PPP4R4: variants seen among roughly 807,000 people sequenced by gnomAD.
The protein encoded by PPP4R4 is serine/threonine-protein phosphatase 4 regulatory subunit 4.
In PPP4R4, 70 loss-of-function variants were observed where a neutral mutation model predicts 121.8. The observed-to-expected ratio is 0.57, with a 90% CI of 0.47 to 0.70. PPP4R4 has a LOEUF of 0.70. Ranked by LOEUF, PPP4R4 falls within the 30% of genes least tolerant of loss-of-function variation. The probability of loss-of-function intolerance (pLI) is 0.00; values close to 1 mark genes in which losing one functional copy is unlikely to be tolerated. For missense variants in PPP4R4, 875 were observed against 1,033.6 expected (o/e 0.85, Z 2.10); for synonymous variants, 348 against 355.7 (o/e 0.98, Z 0.24).
rs771052209 is a variant in PPP4R4 at position 94,234,669 on chromosome 14, G to A, written c.731G>A (p.Gly244Glu). The stretch of plus-strand genomic sequence containing the variant: ...TTAGAAAATATAGCCCAGGGCATTG[G>A]GTAGGTATACTTTGAATTCCTTATG... ...RQLENIAQGI[G>E]TELTKSVVLP... The change falls in exon 7 of 25, where the codon GGG becomes GAG. Residue 244 changes from glycine (G) to glutamate (E), a missense_variant and splice_region_variant. Transcript: ENST00000304338. The A allele has an allele frequency of 3.2e-6, 5 of 1,561,480 alleles. No homozygotes were observed. The highest frequency in any genetic ancestry group is 3.5e-6 in the Non-Finnish European group (4 of 1,133,152).
At chr14:94,278,195 A>G (rs1894744474) in intron 24 of PPP4R4, among the ~76,000 whole-genome samples, 1 of 152,218 alleles carries the variant, frequency 6.6e-6, no homozygotes, top group African/African-American at 2.4e-5. Flanking sequence ...CCAGCTTTTC[A>G]GTGTCATTGA....
At chr14:94,202,067 A>T (rs1315600238) in intron 2 of PPP4R4, among the ~76,000 whole-genome samples, 1 of 152,114 alleles carries the variant, frequency 6.6e-6, no homozygotes, top group African/African-American at 2.4e-5. Context: ...AAAAGCAAAC[A>T]TCGTATGTTC....
chr14:94,197,439 T>A (rs1889940066), intron 2 of PPP4R4, among the ~76,000 whole-genome samples: 1 of 152,174 alleles, frequency 6.6e-6, no homozygotes, highest in South Asian at 2.1e-4. Flanking sequence ...TTTGTCCTAG[T>A]TGCTCTGTTT....
chr14:94,195,364 C>T (rs1889818262), intron 2 of PPP4R4, among the ~76,000 whole-genome samples: 2 of 152,198 alleles, frequency 1.3e-5, no homozygotes, highest in African/African-American at 2.4e-5. Context: ...GATTCCGACA[C>T]ATGCTGAAGT....
Position 94,256,582 on chromosome 14 carries a change from A to G in PPP4R4, c.1988A>G (p.Asp663Gly). Residue 663 changes from aspartate (D) to glycine (G), a missense_variant, in exon 17 of 25, where the codon GAT (aspartate) becomes GGT (glycine). By Grantham distance (94) the Asp-to-Gly change is moderately conservative. Transcript: ENST00000304338. The part of the protein sequence containing the change: ...RKLLCQEKDK[D>G]VLAIVKRTVL... ...CTCCTGTGTCAAGAAAAAGATAAAG[A>G]TGTTCTGGCTATTGTAAAAAGAGTA... 1 of 1,607,490 alleles carries G rather than the reference A, an allele frequency of 6.2e-7. No individual in the cohort carries two copies. The highest frequency in any genetic ancestry group is 8.5e-7 in the Non-Finnish European group (1 of 1,175,228).
At chr14:94,179,277 T>C (rs1188199244) in intron 2 of PPP4R4, among the ~76,000 whole-genome samples, 2 of 152,210 alleles carry the variant, frequency 1.3e-5, no homozygotes. Context: ...TCTGTATCTA[T>C]GGATTTGCCT....
chr14:94,231,308 G>A lies in PPP4R4; in HGVS notation c.509G>A (p.Arg170Gln), dbSNP rs373815087. ...GAAGTATTGCCAAAAGAAACCCTAC[G>A]GCATGAGGTAATACTTTCATGGGGG... is the stretch of plus-strand genomic sequence containing the variant. ...VIEVLPKETL[R>Q]HEILNPLVSK... The change falls in exon 5 of 25, where the codon CGG becomes CAG. Residue 170 changes from arginine (R) to glutamine (Q), a missense_variant. By Grantham distance (43) the Arg-to-Gln change is conservative. Coordinates refer to ENST00000304338, the MANE Select transcript of PPP4R4 (RefSeq NM_058237.2). The A allele has an allele frequency of 3.7e-6, 6 of 1,607,764 alleles. No homozygotes were observed. In the African/African-American group the frequency reaches 5.4e-5, roughly 14 times the overall value.
intron 15 of PPP4R4, among the ~76,000 whole-genome samples, chr14:94,250,993 A>G (rs1210636205): frequency 1.3e-5 from 2 of 152,028 alleles, no homozygotes; most frequent in African/African-American, 4.8e-5. Flanking sequence ...AAATTAGAGT[A>G]CTTTTATAAA....
intron 2 of PPP4R4, among the ~76,000 whole-genome samples, chr14:94,187,525 T>C (rs781601699): frequency 6.6e-6 from 1 of 152,200 alleles, no homozygotes; most frequent in African/African-American, 2.4e-5. Flanking sequence ...GCTAACATGT[T>C]ATTAATACAT....
At chr14:94,214,430 A>G (rs1229203891) in intron 3 of PPP4R4, among the ~76,000 whole-genome samples, 1 of 151,956 alleles carries the variant, frequency 6.6e-6, no homozygotes, top group Non-Finnish European at 1.5e-5. Flanking sequence ...GCTGGGGCCC[A>G]GGAGTTTGAG....
chr14:94,200,941 A>G (rs1243125), intron 2 of PPP4R4, among the ~76,000 whole-genome samples: 68,968 of 151,578 alleles, frequency 0.46, 18,276 homozygotes, highest in Non-Finnish European at 0.61. Flanking sequence ...GTGCTCTTTC[A>G]GACTTTTTGA....
intron 17 of PPP4R4, 75 bp downstream of exon 17, chr14:94,256,679 T>C: frequency 7.4e-7 from 1 of 1,346,152 alleles, no homozygotes; most frequent in Non-Finnish European, 1.0e-6. Flanking sequence ...CTATTTCAGC[T>C]TGACAGGATA....
chr14:94,213,904 G>A (rs1890877363), intron 3 of PPP4R4, among the ~76,000 whole-genome samples: 1 of 152,154 alleles, frequency 6.6e-6, no homozygotes. Flanking sequence ...GCAGCCACAG[G>A]AAACTAATGA....
At position 94,277,591 on chromosome 14, in the gene PPP4R4, A is replaced by G. The variant is rs117327349; in HGVS notation, c.2598-1028A>G. On this transcript the variant is annotated intron_variant, in intron 24 of 24. Transcript: ENST00000304338. ...AGCATATTTAGTAACATCAAAAGTA[A>G]TCTCTTGTCCACTTGCTATATTTTT... 1.5e-3 allele frequency among the ~76,000 whole-genome samples: 230 copies of G among 152,278 alleles called. 7 individuals are homozygous for G. The East Asian group carries it at 0.043, about 28-fold the overall frequency.
chr14:94,224,559 C>T (rs1891592609), intron 3 of PPP4R4, among the ~76,000 whole-genome samples: 1 of 152,082 alleles, frequency 6.6e-6, no homozygotes, highest in Non-Finnish European at 1.5e-5. Context: ...GGTTTGTAAA[C>T]CAGGTGGGTA....
chr14:94,255,168 C>T (rs1047478479), intron 16 of PPP4R4, among the ~76,000 whole-genome samples: 2 of 152,228 alleles, frequency 1.3e-5, no homozygotes, highest in Non-Finnish European at 2.9e-5. Context: ...TCTTTCTTAT[C>T]TGCTTTTGCT....
intron 2 of PPP4R4, among the ~76,000 whole-genome samples, chr14:94,186,725 G>A (rs780656498): frequency 6.6e-5 from 10 of 152,116 alleles, no homozygotes; most frequent in Non-Finnish European, 1.2e-4. Context: ...GTATATGAGC[G>A]TTTGAGTTGC....
Position 94,278,714 on chromosome 14 carries a change from G to C in PPP4R4, c.*71G>C. The C allele has an allele frequency of 7.1e-7, 1 of 1,403,844 alleles. No individual in the cohort carries two copies. The highest frequency in any genetic ancestry group is 9.5e-7 in the Non-Finnish European group (1 of 1,054,806). The allele number at this position is 1,403,844 out of a possible 1,614,324, so 87.0% of individuals were successfully genotyped here. On this transcript the variant is annotated 3_prime_UTR_variant, in exon 25 of 25. Transcript: ENST00000304338. ...ATGTGATTGGTACACAAAAGCTAAAGCAGTGGCTGGGGCTTTGTTTTTAAA... is the reference window on the plus strand; with the variant it reads ...ATGTGATTGGTACACAAAAGCTAAACCAGTGGCTGGGGCTTTGTTTTTAAA...
intron 22 of PPP4R4, among the ~76,000 whole-genome samples, 172 bp from the exon 23 acceptor site, chr14:94,266,787 C>A (rs567697751): frequency 5.9e-5 from 9 of 151,776 alleles, no homozygotes; most frequent in African/African-American, 2.2e-4. Context: ...AAGTTATAGA[C>A]GAAGTAAGTG....
Sources: gnomAD v4.1 joint callset for allele counts (sites outside exome capture counted in the v4.1 genomes callset) on GRCh38, gnomAD v4.1.1 for gene constraint, MANE v1.5 for transcripts, NCBI Gene and HGNC (gene_info 2026-07-23, HGNC 2026-07-21) for gene names.